The following PRKN variants were observed in gnomAD, a reference collection of about 807,000 sequenced individuals.
The protein encoded by PRKN is parkin RBR E3 ubiquitin protein ligase.
A neutral mutation model predicts 59.5 loss-of-function variants in PRKN; 56 were observed. The observed-to-expected ratio is 0.94, with a 90% CI of 0.76 to 1.18. PRKN has a LOEUF of 1.18. Among genes scored for constraint, PRKN ranks in the 50% most tolerant of loss-of-function variants. The probability of loss-of-function intolerance (pLI) is 0.00; values close to 1 mark genes in which losing one functional copy is unlikely to be tolerated. For synonymous variants in PRKN, 250 were observed against 222.1 expected (o/e 1.13, Z -1.12); for missense variants, 657 against 596.4 (o/e 1.10, Z -1.06).
At chr6:162,599,305 G>C (rs1376383318) in intron 1 of PRKN, among the ~76,000 whole-genome samples, 1 of 152,078 alleles carries the variant, frequency 6.6e-6, no homozygotes, top group Non-Finnish European at 1.5e-5. Flanking sequence ...CAACCAGTAG[G>C]CTTGAAAGCT....
At chr6:162,512,916 C>G (rs1415245451) in intron 1 of PRKN, among the ~76,000 whole-genome samples, 3 of 152,130 alleles carry the variant, frequency 2.0e-5, no homozygotes, top group Non-Finnish European at 2.9e-5. Context: ...CTATGCACAA[C>G]AGTACTAACT....
At position 162,497,977 on chromosome 6, in the gene PRKN, A is replaced by G. The variant is rs139603369; in HGVS notation, c.8-54504T>C. Among the ~76,000 whole-genome samples the G allele has an allele frequency of 8.0e-4, 122 of 152,346 alleles. 2 individuals carry two copies. The East Asian group carries it at 0.02, about 25-fold the overall frequency. On this transcript the variant is annotated intron_variant, in intron 1 of 11. Transcript: ENST00000366898. Reference sequence around the variant, plus strand: ...ATATTCTAAATGCCCTGATTTGGTCATTACATGTTGTATGCATGTAACAAA... The same window carrying G: ...ATATTCTAAATGCCCTGATTTGGTCGTTACATGTTGTATGCATGTAACAAA...
In PRKN at chr6:162,253,671, C is replaced by T. The variant is rs937477055; in HGVS notation, c.412+8854G>A. Among the ~76,000 whole-genome samples the T allele has an allele frequency of 3.3e-5, 5 of 152,014 alleles. 1 individual carries two copies. The highest frequency in any genetic ancestry group is 1.2e-4 in the African/African-American group (5 of 41,356). On this transcript the variant is annotated intron_variant, in intron 3 of 11. Transcript: ENST00000366898. ...GTCCACCTTTCCCCAAGATTGTATT[C>T]ATTTGTTAAATATGAGACACCACCA... is the stretch of plus-strand genomic sequence containing the variant.
At chr6:162,368,747 T>C (rs904065819) in intron 2 of PRKN, among the ~76,000 whole-genome samples, 77 of 152,326 alleles carry the variant, frequency 5.1e-4, no homozygotes, top group African/African-American at 1.6e-3. Flanking sequence ...GCTAGTCACC[T>C]GCTCTCAACT....
rs182327063 is a variant in PRKN, at chr6:162,205,424, G to C, written c.413-4172C>G. Among the ~76,000 whole-genome samples the C allele has an allele frequency of 3.5e-3, 529 of 152,180 alleles. 3 individuals carry two copies. The highest frequency in any genetic ancestry group is 0.012 in the African/African-American group (486 of 41,526). ...GGGTTGAAGACAGGATACTTAGGAAGAGTCGTTCTGATTCTAATGGAAACT... is the reference window on the plus strand; with the variant it reads ...GGGTTGAAGACAGGATACTTAGGAACAGTCGTTCTGATTCTAATGGAAACT... On this transcript the variant is annotated intron_variant, in intron 3 of 11. Transcript: ENST00000366898.
chr6:161,691,040 T>TACCATCCA (rs1554293617), intron 7 of PRKN, among the ~76,000 whole-genome samples: 1 of 145,300 alleles, frequency 6.9e-6, no homozygotes, highest in Non-Finnish European at 1.5e-5. Context: ...CTCCTTTCCT[T>TACCATCCA]TCCATCCATC....
At chr6:162,344,588 T>C (rs1007978926) in intron 2 of PRKN, among the ~76,000 whole-genome samples, 6 of 150,530 alleles carry the variant, frequency 4.0e-5, no homozygotes, top group Non-Finnish European at 7.4e-5. Context: ...CCCTTGTCCA[T>C]TCTGAAGGTT....
chr6:161,898,523 C>G (rs1019786944), intron 6 of PRKN, among the ~76,000 whole-genome samples: 1 of 152,176 alleles, frequency 6.6e-6, no homozygotes, highest in African/African-American at 2.4e-5. Flanking sequence ...ACAATTTGTG[C>G]TCCTCACAGC....
chr6:162,232,302 C>T (rs777514353), intron 3 of PRKN, among the ~76,000 whole-genome samples: 1 of 152,136 alleles, frequency 6.6e-6, no homozygotes, highest in Admixed American at 6.5e-5. Flanking sequence ...CAGCTCCCCT[C>T]CCATGCCTGG....
chr6:162,725,982 A>C (rs1779157658), intron 1 of PRKN, among the ~76,000 whole-genome samples: 1 of 152,104 alleles, frequency 6.6e-6, no homozygotes, highest in South Asian at 2.1e-4. Context: ...TTAAAAACCA[A>C]CCTTATATTC....
At chr6:161,563,244 T>A (rs1299130131) in intron 8 of PRKN, among the ~76,000 whole-genome samples, 2 of 152,194 alleles carry the variant, frequency 1.3e-5, no homozygotes, top group African/African-American at 4.8e-5. Context: ...TAACTGTGAC[T>A]TCCTCATTTA....
At chr6:161,880,298 T>A (rs1176223864) in intron 6 of PRKN, among the ~76,000 whole-genome samples, 9 of 152,190 alleles carry the variant, frequency 5.9e-5, no homozygotes, top group African/African-American at 2.2e-4. Context: ...CTAAGATATA[T>A]AATAAAAATT....
At chr6:162,034,880 C>T (rs1052728112) in intron 5 of PRKN, among the ~76,000 whole-genome samples, 4 of 152,126 alleles carry the variant, frequency 2.6e-5, no homozygotes, top group Non-Finnish European at 4.4e-5. Flanking sequence ...GAATAACAGC[C>T]GAGAGCTTAC....
intron 4 of PRKN, among the ~76,000 whole-genome samples, chr6:162,131,558 A>C (rs1781357062): frequency 6.6e-6 from 1 of 152,232 alleles, no homozygotes; most frequent in African/African-American, 2.4e-5. Context: ...AATAAGATCC[A>C]GGAATGAAAT....
At chr6:162,021,150 AT>A (rs1783154599) in intron 5 of PRKN, among the ~76,000 whole-genome samples, 1 of 16,052 alleles carries the variant, frequency 6.2e-5, no homozygotes, top group Non-Finnish European at 1.3e-4. Context: ...ATATATATAT[AT>A]ATATATATAT....
chr6:161,386,235 T>C lies in PRKN; in HGVS notation c.1167+559A>G, dbSNP rs1175548085. ...GGTTGATCCTAATTAATAAATAAAA[T>C]AAAATGCATTTGCACTTTCCTAAGA... On this transcript the variant is annotated intron_variant, in intron 10 of 11. Transcript: ENST00000366898. This position sits in a 1 kb window ranked among gnomAD's most constrained non-coding sequence, Gnocchi z 4.3. Among the ~76,000 whole-genome samples the C allele has an allele frequency of 6.6e-6, 1 of 152,206 alleles. No homozygotes were observed. Among genetic ancestry groups the C allele is most frequent in the African/African-American group, 2.4e-5 (1 of 41,452 alleles).
chr6:161,738,639 T>A lies in PRKN; in HGVS notation c.871+47133A>T, dbSNP rs188859252. ...TGAACCTGGTACCAAGTAGGGTAGA[T>A]GACAACTAGTGTGTGTGGTCACCAG... On this transcript the variant is annotated intron_variant, in intron 7 of 11. Coordinates refer to ENST00000366898, the MANE Select transcript of PRKN (RefSeq NM_004562.3). 1.7e-4 allele frequency among the ~76,000 whole-genome samples: 26 copies of A among 152,254 alleles called. No individual in the cohort carries two copies. In the East Asian group the frequency reaches 4.8e-3, roughly 28 times the overall value.
chr6:162,611,215 T>C (rs1334880051), intron 1 of PRKN, among the ~76,000 whole-genome samples: 1 of 152,232 alleles, frequency 6.6e-6, no homozygotes, highest in Non-Finnish European at 1.5e-5. Context: ...CTGCTTTTGC[T>C]ACAGGGGTTT....
chr6:162,400,577 G>A (rs184133783), intron 2 of PRKN, among the ~76,000 whole-genome samples: 18 of 150,382 alleles, frequency 1.2e-4, no homozygotes, highest in African/African-American at 2.4e-4. Context: ...GGAAAAAACC[G>A]AACTATCATT....
Sources: gnomAD v4.1 joint callset for allele counts (sites outside exome capture counted in the v4.1 genomes callset) on GRCh38, gnomAD v4.1.1 for gene constraint, Gnocchi (gnomAD v3.1) non-coding constraint, MANE v1.5 for transcripts, NCBI Gene and HGNC (gene_info 2026-07-23, HGNC 2026-07-21) for gene names.